The following GARNL3 variants were observed in gnomAD, a reference collection of about 807,000 sequenced individuals.
The protein encoded by GARNL3 is GTPase-activating Rap/Ran-GAP domain-like protein 3.
Under a neutral mutation model 125.0 loss-of-function variants are expected in GARNL3, and 63 were observed. The ratio of observed to expected loss-of-function variants is 0.50; its 90% CI spans 0.41 to 0.62. GARNL3 has a LOEUF of 0.62. GARNL3 is among the 20% of genes least tolerant of loss of function. The probability of loss-of-function intolerance (pLI) is 0.00; values close to 1 mark genes in which losing one functional copy is unlikely to be tolerated. For missense variants in GARNL3, 994 were observed against 1,244.0 expected (o/e 0.80, Z 3.02); for synonymous variants, 439 against 457.5 (o/e 0.96, Z 0.52).
chr9:127,227,845 A>G (rs983393479), intron 1 of GARNL3, among the ~76,000 whole-genome samples: 1 of 152,118 alleles, frequency 6.6e-6, no homozygotes, highest in Non-Finnish European at 1.5e-5. Flanking sequence ...ACTTGAGCCC[A>G]GGAGTTTGAG....
chr9:127,333,405 G>T (rs1254577941), intron 9 of GARNL3, among the ~76,000 whole-genome samples: 1 of 152,208 alleles, frequency 6.6e-6, no homozygotes, highest in Non-Finnish European at 1.5e-5. Context: ...GGACTCTGGG[G>T]ATATAGAAGT....
intron 1 of GARNL3, among the ~76,000 whole-genome samples, chr9:127,268,637 T>C (rs1216623626): frequency 2.0e-5 from 3 of 152,232 alleles, no homozygotes; most frequent in African/African-American, 7.2e-5. Flanking sequence ...TACATTCATA[T>C]TGGTGTACAA....
chr9:127,312,842 T>C (rs921634158), intron 3 of GARNL3, among the ~76,000 whole-genome samples: 1 of 152,182 alleles, frequency 6.6e-6, no homozygotes, highest in African/African-American at 2.4e-5. Flanking sequence ...TTGCAAGTAG[T>C]GCTCAGAGCA....
Position 127,291,169 on chromosome 9 carries a change from T to C in GARNL3, c.146T>C (p.Leu49Pro). 1 of 1,614,082 alleles carries C rather than the reference T, an allele frequency of 6.2e-7. No individual in the cohort carries two copies. The highest frequency in any genetic ancestry group is 8.5e-7 in the Non-Finnish European group (1 of 1,179,950). ...SRKHYGSVEL[L>P]ISSDADGAIQ... ...AATTGAATGCTTTTTCCCCCCTAGC[T>C]TATTTCCAGTGATGCTGATGGAGCC... is the stretch of plus-strand genomic sequence containing the variant. Residue 49 changes from leucine to proline, a missense_variant and splice_region_variant, in exon 2 of 28, where the codon CTT becomes CCT. Physicochemically the swap from Leu to Pro is moderately conservative, Grantham distance 98. Around this residue, in one of 5 missense-constraint regions of GARNL3, gnomAD observed 139 missense variants for 231.6 expected, o/e 0.60. Transcript: ENST00000373387.
intron 1 of GARNL3, among the ~76,000 whole-genome samples, chr9:127,279,800 G>C (rs2064057760): frequency 1.3e-5 from 2 of 151,850 alleles, no homozygotes; most frequent in South Asian, 4.1e-4. Context: ...CAAAAACAAA[G>C]AGCTATTCAG....
At chr9:127,262,759 A>G (rs1046011617), upstream of GARNL3, among the ~76,000 whole-genome samples, 3 of 152,172 alleles carry the variant, frequency 2.0e-5, no homozygotes, top group African/African-American at 7.2e-5. Context: ...ATATACAAAT[A>G]CCTTCATTAA....
At chr9:127,393,057 C>G in intron 27 of GARNL3, 26 bp from the exon 28 acceptor site, 1 of 1,572,936 alleles carries the variant, frequency 6.4e-7, no homozygotes, top group Non-Finnish European at 8.7e-7. Context: ...CCCAAAGATC[C>G]TCTTACAGTG....
chr9:127,387,256 G>A lies in GARNL3; in HGVS notation c.2452G>A (p.Gly818Arg), dbSNP rs554199245. 1.3e-5 allele frequency: 21 copies of A among 1,614,066 alleles called. No individual in the cohort carries two copies. In the South Asian group the frequency reaches 2.2e-4, roughly 17 times the overall value. The change falls in exon 25 of 28, where the codon GGG (glycine) becomes AGG (arginine). Residue 818 changes from glycine (G) to arginine (R), a missense_variant. By Grantham distance (125) the Gly-to-Arg change is moderately radical. Coordinates refer to ENST00000373387, the MANE Select transcript of GARNL3 (RefSeq NM_032293.5). ...GGTCTCATCTGGAGGCAGCTCCAAG[G>A]GGGCCAGTGCCCGAAATTCTCCTCA... ...NEVSSGGSSK[G>R]ASARNSPQTP...
intron 7 of GARNL3, among the ~76,000 whole-genome samples, chr9:127,331,086 A>G (rs1251561357): frequency 6.6e-6 from 1 of 152,098 alleles, no homozygotes; most frequent in Non-Finnish European, 1.5e-5. Flanking sequence ...GTGGTGGGTC[A>G]ACCAACCTTG....
intron 6 of GARNL3, 101 bp downstream of exon 6, chr9:127,320,879 AATCACCT>A: frequency 1.3e-6 from 1 of 758,450 alleles, no homozygotes; most frequent in Non-Finnish European, 2.2e-6. Context: ...TGCAAAGCCA[AATCACCT>A]ATGCAACTTT....
At chr9:127,316,253 G>A (rs1342545682) in intron 4 of GARNL3, among the ~76,000 whole-genome samples, 2 of 152,100 alleles carry the variant, frequency 1.3e-5, no homozygotes, top group Non-Finnish European at 2.9e-5. Context: ...CTTTAAAACT[G>A]CCTTTGGGCT....
In GARNL3 at chr9:127,230,152, AGT is replaced by A. The variant is rs372532175; in HGVS notation, c.-29+5816_-29+5817del. ...TAGTGTTAAAGAACAAGGGCTTTGGAGTGAGACAGACTTGGGTTCAAGTTTCT... is the reference window on the plus strand; with the variant it reads ...TAGTGTTAAAGAACAAGGGCTTTGGAGAGACAGACTTGGGTTCAAGTTTCT... On this transcript the variant is annotated intron_variant, in intron 1 of 10. Coordinates refer to the GARNL3 transcript ENST00000439286. Among the ~76,000 whole-genome samples the A allele has an allele frequency of 2.6e-3, 393 of 152,340 alleles. 4 individuals are homozygous for A. Among genetic ancestry groups the A allele is most frequent in the Non-Finnish European group, 3.9e-3 (268 of 68,032 alleles).
In GARNL3 at chr9:127,242,928, G is replaced by A. The variant is rs1167482828; in HGVS notation, c.-28-151G>A. On this transcript the variant is annotated intron_variant, in intron 1 of 10. Transcript: ENST00000439286. This position sits in a 1 kb window ranked among gnomAD's most constrained non-coding sequence, Gnocchi z 4.6. ...ATGCAGTAAGGTCATATGCGGTCTT[G>A]GTGGGGCCCCTGGGTCTTGAGGGTG... 6.6e-6 allele frequency among the ~76,000 whole-genome samples: 1 copy of A among 152,150 alleles called. No homozygotes were observed. Among genetic ancestry groups the A allele is most frequent in the Non-Finnish European group, 1.5e-5 (1 of 68,028 alleles).
chr9:127,393,336 A>C lies in GARNL3; in HGVS notation c.*82A>C. The stretch of plus-strand genomic sequence containing the variant: ...AACAGTTCTGATGTAATTTCTCAAC[A>C]AAATGTGGCTTTTAGCCTGTCAGTG... On this transcript the variant is annotated 3_prime_UTR_variant, in exon 28 of 28. Transcript: ENST00000373387. 4 of 1,356,854 alleles carry C rather than the reference A, an allele frequency of 2.9e-6. No homozygotes were observed. The highest frequency in any genetic ancestry group is 4.1e-6 in the Non-Finnish European group (4 of 982,156). The allele number at this position is 1,356,854 out of a possible 1,614,324, so 84.1% of individuals were successfully genotyped here.
Position 127,332,227 on chromosome 9 carries a change from G to A in GARNL3, c.595-47G>A, listed in dbSNP as rs577345374. ...AACAGCCCATCTCAAAACTATATAC[G>A]CTGTGATGATAAAATTAACTGTAAC... On this transcript the variant is annotated intron_variant, in intron 7 of 27. Transcript: ENST00000373387. The A allele has an allele frequency of 2.4e-5, 34 of 1,395,388 alleles. 1 individual carries two copies. The highest frequency in any genetic ancestry group is 1.4e-4 in the East Asian group (6 of 43,824). The allele number at this position is 1,395,388 out of a possible 1,614,324, so 86.4% of individuals were successfully genotyped here.
Position 127,349,015 on chromosome 9 carries a change from C to T in GARNL3, c.1523C>T (p.Ala508Val), listed in dbSNP as rs767950799. 14 of 1,613,088 alleles carry T rather than the reference C, an allele frequency of 8.7e-6. No individual in the cohort carries two copies. The South Asian group carries it at 1.2e-4, about 14-fold the overall frequency. ...WGQALLVSTD[A>V]GVLLVDDDLP... ...CAGGCCTTGCTGGTTTCCACTGATG[C>T]TGGCGTCTTGCTAGTGGATGGTTAG... The change falls in exon 17 of 28, where the codon GCT (alanine) becomes GTT (valine). Residue 508 changes from alanine (A) to valine (V), a missense_variant. Physicochemically the swap from Ala to Val is moderately conservative, Grantham distance 64 (BLOSUM62 0). Transcript: ENST00000373387.
intron 7 of GARNL3, among the ~76,000 whole-genome samples, chr9:127,331,735 TCACATC>T (rs1564147680): frequency 2.6e-4 from 38 of 143,792 alleles, no homozygotes; most frequent in South Asian, 1.4e-3. Flanking sequence ...TTTTTTTTTT[TCACATC>T]TGTTTTGTGA....
chr9:127,341,752 G>A (rs529122456), intron 13 of GARNL3, among the ~76,000 whole-genome samples: 2 of 152,168 alleles, frequency 1.3e-5, no homozygotes, highest in Non-Finnish European at 2.9e-5. Context: ...TTTCATCAGC[G>A]TTGTCAAAGA....
At chr9:127,326,203 T>C (rs1360560967) in intron 7 of GARNL3, among the ~76,000 whole-genome samples, 3 of 152,138 alleles carry the variant, frequency 2.0e-5, no homozygotes, top group African/African-American at 7.2e-5. Context: ...GCCTCTTTGA[T>C]TTTTCTTAAT....
Sources: gnomAD v4.1 joint callset for allele counts (sites outside exome capture counted in the v4.1 genomes callset) on GRCh38, gnomAD v4.1.1 for gene constraint, gnomAD v4.1.1 regional missense constraint, Gnocchi (gnomAD v3.1) non-coding constraint, MANE v1.5 for transcripts, NCBI Gene and HGNC (gene_info 2026-07-23, HGNC 2026-07-21) for gene names.